Variants in TSPEAR observed in about 807,000 individuals in gnomAD.
TSPEAR encodes the protein thrombospondin type laminin G domain and EAR repeats.
In TSPEAR, 69 loss-of-function variants were observed where a neutral mutation model predicts 71.6. The observed-to-expected ratio is 0.96, with a 90% CI of 0.79 to 1.18. The LOEUF is 1.18. Ranked by LOEUF, TSPEAR falls within the 50% of genes most tolerant of loss-of-function variation. The pLI is 0.00. For missense variants in TSPEAR, 971 were observed against 894.9 expected, an observed-to-expected ratio of 1.09 and a Z score of -1.09; for synonymous variants, 402 against 387.2, an observed-to-expected ratio of 1.04 and a Z score of -0.45.
intron 1 of TSPEAR, chr21:44,592,520 C>A (rs781918944): frequency 1.3e-6 from 2 of 1,574,380 alleles, no homozygotes; most frequent in Non-Finnish European, 1.7e-6. Context: ...AGGGAGTGAG[C>A]CTGTGAGGTG....
intron 1 of TSPEAR, among the ~76,000 whole-genome samples, chr21:44,661,198 CCAGAGG>C: frequency 6.7e-6 from 1 of 150,116 alleles, no homozygotes. Flanking sequence ...GGCGTGAACC[CCAGAGG>C]CGGAGGCGGA....
intron 1 of TSPEAR, among the ~76,000 whole-genome samples, chr21:44,615,646 G>GGTGC (rs1246590901): frequency 1.3e-5 from 2 of 151,656 alleles, no homozygotes; most frequent in East Asian, 3.9e-4. Flanking sequence ...TCTCTCTGCA[G>GGTGC]GTGCCTCCTG....
chr21:44,626,841 C>T (rs949278970), intron 1 of TSPEAR, among the ~76,000 whole-genome samples: 10 of 151,410 alleles, frequency 6.6e-5, no homozygotes, highest in African/African-American at 1.7e-4. Context: ...ACCCACCAGA[C>T]GCCCACAGCC....
At chr21:44,524,999 T>C (rs912136212) in intron 8 of TSPEAR, among the ~76,000 whole-genome samples, 3 of 151,516 alleles carry the variant, frequency 2.0e-5, no homozygotes, top group Non-Finnish European at 4.4e-5. Context: ...AGTGAGGCAG[T>C]CAGCCAGCCA....
chr21:44,683,110 G>T (rs147746214), intron 1 of TSPEAR, among the ~76,000 whole-genome samples: 1 of 151,952 alleles, frequency 6.6e-6, no homozygotes, highest in Non-Finnish European at 1.5e-5. Flanking sequence ...AGTGAGACCC[G>T]CCTAGGCCAG....
intron 1 of TSPEAR, among the ~76,000 whole-genome samples, chr21:44,615,087 G>A (rs1981986951): frequency 6.6e-6 from 1 of 152,236 alleles, no homozygotes; most frequent in South Asian, 2.1e-4. Flanking sequence ...GGGAAGAGGC[G>A]GGGCCGTATC....
chr21:44,559,092 C>T (rs953831611), intron 2 of TSPEAR, among the ~76,000 whole-genome samples: 6 of 152,180 alleles, frequency 3.9e-5, no homozygotes. Context: ...TGACAGCCCT[C>T]TGCTCCATCC....
In TSPEAR at chr21:44,666,658, G is replaced by A. The variant is rs782417644; in HGVS notation, c.82+44775C>T. 5 of 1,613,116 alleles carry A rather than the reference G, an allele frequency of 3.1e-6. No individual in the cohort carries two copies. The Admixed American group carries it at 8.3e-5, about 27-fold the overall frequency. On this transcript the variant is annotated intron_variant, in intron 1 of 11. Coordinates refer to ENST00000323084, the MANE Select transcript of TSPEAR (RefSeq NM_144991.3). The stretch of plus-strand genomic sequence containing the variant: ...CACACAGAAGACTGGCAGCTCACGG[G>A]CACGCACACAGCTGACTTGAAGCTC...
At chr21:44,573,422 GC>G (rs1198234611) in intron 1 of TSPEAR, among the ~76,000 whole-genome samples, 3 of 152,064 alleles carry the variant, frequency 2.0e-5, no homozygotes, top group African/African-American at 7.3e-5. Context: ...CGTGGACCAT[GC>G]CACCCTCCAC....
chr21:44,508,926 G>T, intron 10 of TSPEAR: 1 of 1,519,160 alleles, frequency 6.6e-7, no homozygotes, highest in Non-Finnish European at 8.9e-7. Context: ...TCGGATGAAA[G>T]GAGGTAATGG....
At chr21:44,547,727 C>T (rs1360571553) in intron 2 of TSPEAR, among the ~76,000 whole-genome samples, 3 of 152,072 alleles carry the variant, frequency 2.0e-5, no homozygotes, top group African/African-American at 4.8e-5. Context: ...TGGTCCACAC[C>T]CCCCAGCACT....
At chr21:44,557,814 GT>G (rs2053558429) in intron 2 of TSPEAR, 1 of 590,366 alleles carries the variant, frequency 1.7e-6, no homozygotes, top group Admixed American at 3.0e-5. Context: ...GACTTTATTT[GT>G]TGACAGACTG....
At chr21:44,530,316 CCATCCCTCCACCTACCCATCCATT>C (rs1209948519) in intron 4 of TSPEAR, among the ~76,000 whole-genome samples, 36 of 152,240 alleles carry the variant, frequency 2.4e-4, no homozygotes, top group Middle Eastern at 3.4e-3. Context: ...ACTAATCCAT[CCATCCCTCCACCTACCCATCCATT>C]CATCCATGCA....
At chr21:44,615,334 G>A (rs1044435002) in intron 1 of TSPEAR, among the ~76,000 whole-genome samples, 2 of 151,964 alleles carry the variant, frequency 1.3e-5, no homozygotes, top group Non-Finnish European at 2.9e-5. Flanking sequence ...GGCTGCGGAA[G>A]AGAGTCCAGG....
intron 1 of TSPEAR, among the ~76,000 whole-genome samples, chr21:44,665,010 A>C (rs782168790): frequency 3.5e-4 from 53 of 152,158 alleles, no homozygotes; most frequent in Non-Finnish European, 6.8e-4. Context: ...AGCCTGGGGG[A>C]CCAGAGTGCT....
At chr21:44,643,903 G>C (rs2146232979) in intron 1 of TSPEAR, among the ~76,000 whole-genome samples, 1 of 152,374 alleles carries the variant, frequency 6.6e-6, no homozygotes, top group East Asian at 1.9e-4. Context: ...GAGGGCTGCT[G>C]TCATCGCGTC....
chr21:44,532,484 G>T (rs587746444), intron 3 of TSPEAR, among the ~76,000 whole-genome samples: 2 of 152,190 alleles, frequency 1.3e-5, no homozygotes, highest in Non-Finnish European at 2.9e-5. Flanking sequence ...ACTCATCACC[G>T]TCCTGAGGGC....
intron 9 of TSPEAR, chr21:44,519,673 A>C (rs782543649): frequency 6.6e-6 from 1 of 152,308 alleles, no homozygotes; most frequent in Non-Finnish European, 1.5e-5. Context: ...CCAGTAAGAC[A>C]AGGAACTTAT....
chr21:44,534,520 CA>C (rs2053054644), intron 2 of TSPEAR, among the ~76,000 whole-genome samples: 1 of 151,596 alleles, frequency 6.6e-6, no homozygotes, highest in Non-Finnish European at 1.5e-5. Flanking sequence ...GCTGCTGGGC[CA>C]GGGGCAAGGC....
Sources: gnomAD v4.1 joint callset for allele counts (sites outside exome capture counted in the v4.1 genomes callset) on GRCh38, gnomAD v4.1.1 for gene constraint, MANE v1.5 for transcripts, NCBI Gene and HGNC (gene_info 2026-07-23, HGNC 2026-07-21) for gene names.